The following GABRA5 variants were observed in gnomAD, a reference collection of about 807,000 sequenced individuals.
GABRA5 encodes gamma-aminobutyric acid type A receptor subunit alpha5.
In GABRA5, 18 loss-of-function variants were observed where a neutral mutation model predicts 47.3. The observed-to-expected ratio is 0.38, with a 90% confidence interval of 0.26 to 0.56. The LOEUF (loss-of-function observed/expected upper bound fraction) is 0.56, where lower values mean the gene tolerates loss of function less well. GABRA5 is among the 20% of genes least tolerant of loss of function. GABRA5 has a pLI of 0.71. For synonymous variants in GABRA5, 237 were observed against 229.3 expected (o/e 1.03, Z -0.30); for missense variants, 365 against 599.3 (o/e 0.61, Z 4.08).
At chr15:26,926,568 ACT>A (rs1893967210) in intron 7 of GABRA5, among the ~76,000 whole-genome samples, 1 of 152,198 alleles carries the variant, frequency 6.6e-6, no homozygotes, top group Non-Finnish European at 1.5e-5. Context: ...GGACATCATT[ACT>A]TAGAACAAAG....
At chr15:26,919,785 T>C (rs1323023621) in intron 7 of GABRA5, among the ~76,000 whole-genome samples, 1 of 152,182 alleles carries the variant, frequency 6.6e-6, no homozygotes, top group Non-Finnish European at 1.5e-5. Flanking sequence ...AAACTCTCTT[T>C]AGTATTTCTT....
intron 9 of GABRA5, 96 bp downstream of exon 9, chr15:26,940,173 C>G: frequency 9.6e-7 from 1 of 1,045,098 alleles, no homozygotes; most frequent in Non-Finnish European, 1.4e-6. Flanking sequence ...ACTTCTAGTG[C>G]TGCCTCTTTG....
chr15:26,890,304 G>A (rs1045312781), intron 6 of GABRA5, among the ~76,000 whole-genome samples: 1 of 151,916 alleles, frequency 6.6e-6, no homozygotes, highest in Non-Finnish European at 1.5e-5. Context: ...CTTCCTCTCT[G>A]GCACCTTATA....
intron 9 of GABRA5, among the ~76,000 whole-genome samples, chr15:26,942,230 C>T (rs966090393): frequency 6.6e-5 from 10 of 152,230 alleles, no homozygotes; most frequent in African/African-American, 1.9e-4. Flanking sequence ...GCAGCTTAGA[C>T]GAGAGTCTGA....
At chr15:26,897,083 C>T (rs535019755) in intron 6 of GABRA5, among the ~76,000 whole-genome samples, 1 of 151,948 alleles carries the variant, frequency 6.6e-6, no homozygotes, top group African/African-American at 2.4e-5. Flanking sequence ...TATGACAGCA[C>T]CTATGGAAAG....
At position 26,936,329 on chromosome 15, in the gene GABRA5, T is replaced by C. The variant is rs546400414; in HGVS notation, c.581-856T>C. 5.8e-3 allele frequency among the ~76,000 whole-genome samples: 886 copies of C among 152,218 alleles called. 6 individuals are homozygous for C. The highest frequency in any genetic ancestry group is 6.6e-3 in the Non-Finnish European group (452 of 68,016). On this transcript the variant is annotated intron_variant, in intron 7 of 10. Coordinates refer to ENST00000335625, the MANE Select transcript of GABRA5 (RefSeq NM_000810.4). The stretch of plus-strand genomic sequence containing the variant: ...TAAGCTTTGGGCTCCTTTGCAAGCT[T>C]CCAGATTAATATATTCCAGCCTAGT...
Position 26,948,745 on chromosome 15 carries a change from T to C in GABRA5, c.*512T>C, listed in dbSNP as rs1454051698. On this transcript the variant is annotated 3_prime_UTR_variant, in exon 11 of 11. Transcript: ENST00000335625. The stretch of plus-strand genomic sequence containing the variant: ...AATTGCCTTTGATAATTCTTACTGT[T>C]CTGAAATTAGGAAAGTACTGCATGA... The C allele has an allele frequency of 1.9e-5, 3 of 156,010 alleles. No individual in the cohort carries two copies. The highest frequency in any genetic ancestry group is 7.2e-5 in the African/African-American group (3 of 41,462). 9.7% of individuals were successfully genotyped at this position (156,010 alleles called of 1,614,324 possible).
chr15:26,878,799 C>T (rs891460235), intron 3 of GABRA5, among the ~76,000 whole-genome samples: 20 of 152,280 alleles, frequency 1.3e-4, no homozygotes, highest in African/African-American at 4.6e-4. Context: ...AAGTAGAATC[C>T]GAGCTTTGAA....
chr15:26,883,245 G>A lies in GABRA5; in HGVS notation c.276+12G>A. On this transcript the variant is annotated intron_variant, in intron 5 of 10. Coordinates refer to ENST00000335625, the MANE Select transcript of GABRA5 (RefSeq NM_000810.4). The surrounding 1 kb of genome is among the most constrained non-coding windows in gnomAD (Gnocchi z 4.8). ...CCGACACGGAAATGGTAGGTCCCGG[G>A]GCATGGCTGGGCAGACAATTCTTAC... 6.2e-7 allele frequency: 1 copy of A among 1,613,660 alleles called. No homozygotes were observed. The highest frequency in any genetic ancestry group is 8.5e-7 in the Non-Finnish European group (1 of 1,179,618).
chr15:26,884,703 G>C (rs901120946), intron 6 of GABRA5, among the ~76,000 whole-genome samples: 1 of 151,064 alleles, frequency 6.6e-6, no homozygotes, highest in Non-Finnish European at 1.5e-5. Context: ...GATTAAAGGG[G>C]AAAAAAAAAT....
At chr15:26,943,816 C>T (rs1349903260) in intron 10 of GABRA5, among the ~76,000 whole-genome samples, 2 of 152,102 alleles carry the variant, frequency 1.3e-5, no homozygotes, top group East Asian at 3.9e-4. Context: ...GGAAGGAGTT[C>T]CTCAGCAAAG....
At chr15:26,912,822 TAAGTG>T (rs1893630152) in intron 6 of GABRA5, among the ~76,000 whole-genome samples, 1 of 152,226 alleles carries the variant, frequency 6.6e-6, no homozygotes, top group South Asian at 2.1e-4. Flanking sequence ...GGTGAAATCA[TAAGTG>T]AAGTGGTCGA....
chr15:26,894,462 G>T (rs1893128773), intron 6 of GABRA5, among the ~76,000 whole-genome samples: 1 of 152,132 alleles, frequency 6.6e-6, no homozygotes, highest in Non-Finnish European at 1.5e-5. Flanking sequence ...TTCCCCCCGG[G>T]CTCTTGCCTG....
At chr15:26,891,750 GCCAGCCTGCACCCA>G (rs1218129878) in intron 6 of GABRA5, among the ~76,000 whole-genome samples, 1 of 152,192 alleles carries the variant, frequency 6.6e-6, no homozygotes, top group African/African-American at 2.4e-5. Flanking sequence ...CTAGTGCGCA[GCCAGCCTGCACCCA>G]CCACCGCGCT....
chr15:26,892,994 G>T (rs1415296213), intron 6 of GABRA5, among the ~76,000 whole-genome samples: 2 of 150,476 alleles, frequency 1.3e-5, no homozygotes, highest in Admixed American at 1.3e-4. Flanking sequence ...AGAGTGTGGC[G>T]TGTGTGTGTA....
rs764850266 is a variant in GABRA5 at position 26,883,168 on chromosome 15, C to A, written c.211C>A (p.Arg71Ser). ...AGGGACCTGTGTCTGTCTTTCAGAGCGCATCACTCAGGTGAGGACCGACAT... is the reference window on the plus strand; with the variant it reads ...AGGGACCTGTGTCTGTCTTTCAGAGAGCATCACTCAGGTGAGGACCGACAT... Reference protein sequence around the residue: ...DNRLRPGLGERITQVRTDIYV... With the variant: ...DNRLRPGLGESITQVRTDIYV... The change falls in exon 5 of 11, where the codon CGC becomes AGC. Residue 71 changes from arginine (R) to serine (S), a missense_variant and splice_region_variant. This residue lies in a region of GABRA5 where 216 missense variants were observed against 335.3 expected (regional missense o/e 0.64). Transcript: ENST00000335625. The surrounding 1 kb of genome is among the most constrained non-coding windows in gnomAD (Gnocchi z 4.8). 6.2e-6 allele frequency: 10 copies of A among 1,613,226 alleles called. No individual in the cohort carries two copies. Among genetic ancestry groups the A allele is most frequent in the South Asian group, 1.1e-5 (1 of 91,074 alleles).
intron 6 of GABRA5, among the ~76,000 whole-genome samples, chr15:26,891,883 T>C (rs1893015005): frequency 6.6e-6 from 1 of 152,198 alleles, no homozygotes; most frequent in African/African-American, 2.4e-5. Flanking sequence ...TCATTTCAGC[T>C]CGGACGGTGG....
Position 26,869,293 on chromosome 15 carries a change from C to T in GABRA5, c.45C>T (p.Leu15=), listed in dbSNP as rs765390669. 1.2e-6 allele frequency: 2 copies of T among 1,609,752 alleles called. No individual in the cohort carries two copies. Among genetic ancestry groups the T allele is most frequent in the African/African-American group, 1.3e-5 (1 of 74,808 alleles). ...MFSGFIMIKN[L]LLFCISMNLS... is the part of the protein sequence containing the mutation. Reference sequence around the variant, plus strand: ...CTGGTTTTATCATGATCAAAAACCTCCTTCTCTTTTGTATTTCCATGAACT... The same window carrying T: ...CTGGTTTTATCATGATCAAAAACCTTCTTCTCTTTTGTATTTCCATGAACT... The change falls in exon 3 of 11, where the codon CTC becomes CTT. Residue 15 remains leucine (L), a synonymous_variant. Transcript: ENST00000335625.
intron 4 of GABRA5, among the ~76,000 whole-genome samples, chr15:26,882,796 G>A (rs566621682): frequency 2.6e-5 from 4 of 152,182 alleles, no homozygotes; most frequent in African/African-American, 7.2e-5. Context: ...TGGCGACGGC[G>A]TGGCCCTGAG....
Sources: gnomAD v4.1 joint callset for allele counts (sites outside exome capture counted in the v4.1 genomes callset) on GRCh38, gnomAD v4.1.1 for gene constraint, gnomAD v4.1.1 regional missense constraint, Gnocchi (gnomAD v3.1) non-coding constraint, MANE v1.5 for transcripts, NCBI Gene and HGNC (gene_info 2026-07-23, HGNC 2026-07-21) for gene names.